RARB: variants seen among roughly 807,000 people sequenced by gnomAD.
RARB encodes HBV-activated protein.
A neutral mutation model predicts 51.9 loss-of-function variants in RARB; 17 were observed. The observed-to-expected ratio is 0.33, with a 90% CI of 0.22 to 0.49. The LOEUF (loss-of-function observed/expected upper bound fraction) is 0.49. Among genes scored for constraint, RARB ranks in the 20% least tolerant of loss-of-function variants. The probability of loss-of-function intolerance (pLI) is 0.99; values close to 1 mark genes in which losing one functional copy is unlikely to be tolerated. For synonymous variants in RARB, 215 were observed against 195.4 expected (o/e 1.10, Z -0.84); for missense variants, 369 against 550.8 (o/e 0.67, Z 3.30).
intron 2 of RARB, among the ~76,000 whole-genome samples, chr3:25,479,529 G>A (rs559915072): frequency 1.9e-4 from 29 of 152,236 alleles, no homozygotes; most frequent in African/African-American, 5.3e-4. Flanking sequence ...AATTTTGTTC[G>A]AATCCTTATA....
chr3:25,182,985 A>AT (rs570630114), intron 5 of RARB, among the ~76,000 whole-genome samples: 244 of 152,200 alleles, frequency 1.6e-3, no homozygotes, highest in African/African-American at 5.7e-3. Flanking sequence ...CATGGAGAAC[A>AT]TTCCCCCCAC....
intron 1 of RARB, among the ~76,000 whole-genome samples, chr3:25,431,043 T>C (rs1708187286): frequency 1.3e-5 from 2 of 151,430 alleles, no homozygotes; most frequent in Non-Finnish European, 2.9e-5. Flanking sequence ...CCATGCAGTG[T>C]TTGGTTCAGG....
intron 1 of RARB, among the ~76,000 whole-genome samples, chr3:24,858,231 T>A (rs1046408069): frequency 6.6e-6 from 1 of 152,182 alleles, no homozygotes; most frequent in Non-Finnish European, 1.5e-5. Context: ...CAACATGTTT[T>A]TTTTTTCTTC....
At chr3:25,397,323 C>CGTGAGGAT (rs1347326996) in intron 5 of RARB, among the ~76,000 whole-genome samples, 2 of 142,600 alleles carry the variant, frequency 1.4e-5, no homozygotes, top group African/African-American at 5.2e-5. Context: ...CAGGTTCCTC[C>CGTGAGGAT]GTGAGGATGT....
At chr3:25,180,463 C>T (rs1023250479) in intron 5 of RARB, among the ~76,000 whole-genome samples, 1 of 152,146 alleles carries the variant, frequency 6.6e-6, no homozygotes, top group African/African-American at 2.4e-5. Context: ...TAAAGTTCTG[C>T]CTCAATGAAC....
chr3:25,363,563 A>G (rs182107647), intron 5 of RARB, among the ~76,000 whole-genome samples: 39 of 152,222 alleles, frequency 2.6e-4, no homozygotes, highest in Admixed American at 1.7e-3. Flanking sequence ...AGGAAATTCT[A>G]TTGACTCCAC....
chr3:24,883,934 A>G lies in RARB; in HGVS notation c.-380+25182A>G, dbSNP rs370051321. ...GGCTCTATGTGGTTATTTAATTTTCATTATTCTTACCAGCAAAACCAGGTT... is the reference window on the plus strand; with the variant it reads ...GGCTCTATGTGGTTATTTAATTTTCGTTATTCTTACCAGCAAAACCAGGTT... On this transcript the variant is annotated intron_variant, in intron 2 of 11. Coordinates refer to the RARB transcript ENST00000383772. 1.5e-4 allele frequency among the ~76,000 whole-genome samples: 23 copies of G among 152,236 alleles called. No individual in the cohort carries two copies. In the South Asian group the frequency reaches 4.6e-3, roughly 30 times the overall value.
At chr3:25,467,331 T>A (rs1315690642) in intron 2 of RARB, among the ~76,000 whole-genome samples, 1 of 152,272 alleles carries the variant, frequency 6.6e-6, no homozygotes, top group African/African-American at 2.4e-5. Flanking sequence ...ATAGGTCTTC[T>A]TGTCTTGGCT....
chr3:25,323,422 T>C (rs1704627220), intron 5 of RARB, among the ~76,000 whole-genome samples: 1 of 152,226 alleles, frequency 6.6e-6, no homozygotes, highest in Admixed American at 6.5e-5. Context: ...AATTTTTCCA[T>C]TTGTGCCCTA....
intron 2 of RARB, among the ~76,000 whole-genome samples, chr3:24,930,716 TGAG>T (rs1352457357): frequency 4.6e-5 from 7 of 152,100 alleles, no homozygotes; most frequent in Non-Finnish European, 7.4e-5. Flanking sequence ...CTAATAAAAA[TGAG>T]GAGACCTGGC....
intron 2 of RARB, among the ~76,000 whole-genome samples, chr3:24,931,519 G>T (rs1324233138): frequency 1.3e-5 from 2 of 151,940 alleles, no homozygotes; most frequent in Admixed American, 1.3e-4. Flanking sequence ...AAGTTCTGTA[G>T]ATTCATCAAG....
intron 2 of RARB, among the ~76,000 whole-genome samples, chr3:25,038,340 G>T (rs1325482338): frequency 6.6e-6 from 1 of 151,326 alleles, no homozygotes; most frequent in African/African-American, 2.5e-5. Flanking sequence ...GACATTTAAA[G>T]ATGAAAAAAA....
chr3:24,895,659 G>C (rs1290559185), intron 2 of RARB, among the ~76,000 whole-genome samples: 1 of 151,156 alleles, frequency 6.6e-6, no homozygotes, highest in East Asian at 1.9e-4. Flanking sequence ...TTTCACCCAG[G>C]CTGGGTCTTT....
intron 5 of RARB, among the ~76,000 whole-genome samples, chr3:25,355,327 C>T (rs1705701616): frequency 6.6e-6 from 1 of 151,996 alleles, no homozygotes; most frequent in Admixed American, 6.6e-5. Context: ...AAATCTTTTC[C>T]ATCCATCTCT....
chr3:24,912,972 ATTCTT>A (rs1695022290), intron 2 of RARB, among the ~76,000 whole-genome samples: 1 of 57,636 alleles, frequency 1.7e-5, no homozygotes, highest in Non-Finnish European at 3.6e-5. Context: ...CAAGGTACTG[ATTCTT>A]TTTTTTTTTT....
chr3:24,876,856 A>G (rs907378732), intron 2 of RARB, among the ~76,000 whole-genome samples: 3 of 152,142 alleles, frequency 2.0e-5, no homozygotes, highest in African/African-American at 7.2e-5. Flanking sequence ...GATATTTACT[A>G]TTGATGGATG....
intron 4 of RARB, among the ~76,000 whole-genome samples, chr3:25,144,838 TCAATAAATGAA>T (rs1700162853): frequency 6.6e-6 from 1 of 152,240 alleles, no homozygotes; most frequent in Non-Finnish European, 1.5e-5. Context: ...AATACATTCT[TCAATAAATGAA>T]CAATAAATGA....
Position 25,396,921 on chromosome 3 carries a change from G to A in RARB, c.179-64272G>A, listed in dbSNP as rs188581226. Among the ~76,000 whole-genome samples the A allele has an allele frequency of 1.3e-3, 193 of 152,260 alleles. 4 individuals are homozygous for A. Among genetic ancestry groups the A allele is most frequent in the Non-Finnish European group, 5.9e-4 (40 of 68,008 alleles). ...CACCCAGTGTATATCTAGGCAACCA[G>A]TGAGTATGGCTGAGATCTTGCCCCA... On this transcript the variant is annotated intron_variant, in intron 5 of 11. Transcript: ENST00000383772.
At chr3:25,124,144 G>A (rs555566039) in intron 3 of RARB, among the ~76,000 whole-genome samples, 69 of 152,314 alleles carry the variant, frequency 4.5e-4, no homozygotes, top group African/African-American at 1.5e-3. Context: ...GGAGGCCAAG[G>A]TGGGTGGATC....
Sources: allele counts gnomAD v4.1 joint callset (sites outside exome capture counted in the v4.1 genomes callset), GRCh38; gene constraint gnomAD v4.1.1; transcripts MANE v1.5; gene names NCBI Gene and HGNC (gene_info 2026-07-23, HGNC 2026-07-21).